Variants in AGMO observed in about 807,000 individuals in gnomAD.
AGMO encodes the protein glyceryl-ether monooxygenase.
In AGMO, 75 loss-of-function variants were observed where a neutral mutation model predicts 60.2. That is an observed-to-expected ratio of 1.25 (90% CI 1.03 to 1.51). The LOEUF (loss-of-function observed/expected upper bound fraction) is 1.51, where lower values mean the gene tolerates loss of function less well. Ranked by LOEUF, AGMO falls within the 40% of genes most tolerant of loss-of-function variation. The pLI is 0.00. For synonymous variants in AGMO, 261 were observed against 177.1 expected (o/e 1.47, Z -3.76); for missense variants, 763 against 525.5 (o/e 1.45, Z -4.42).
chr7:15,122,531 A>G, the AGMO span, among the ~76,000 whole-genome samples: 1 of 152,090 alleles, frequency 6.6e-6, no homozygotes, highest in Non-Finnish European at 1.5e-5. Context: ...TTTCAAATCA[A>G]CATTTCCAAA....
intron 12 of AGMO, among the ~76,000 whole-genome samples, chr7:15,287,404 A>C (rs78746595): frequency 0.014 from 2,101 of 152,254 alleles, 44 homozygotes; most frequent in African/African-American, 0.049. Flanking sequence ...CACGCAGAGA[A>C]ACATTTTCAT....
intron 12 of AGMO, among the ~76,000 whole-genome samples, chr7:15,347,586 C>G (rs889627124): frequency 6.7e-6 from 1 of 148,298 alleles, no homozygotes; most frequent in African/African-American, 2.5e-5. Flanking sequence ...GACTCAAAAA[C>G]ATCCTCAGTC....
rs113031464 is a variant in AGMO at position 15,254,890 on chromosome 7, C to T, written c.1264-53531G>A. Among the ~76,000 whole-genome samples the T allele has an allele frequency of 3.9e-5, 6 of 152,040 alleles. No individual in the cohort carries two copies. The South Asian group carries it at 6.2e-4, about 16-fold the overall frequency. On this transcript the variant is annotated intron_variant, in intron 12 of 12. Coordinates refer to ENST00000342526, the MANE Select transcript of AGMO (RefSeq NM_001004320.2). ...ACATAGAAGAAATGGATAAACTCCT[C>T]GACACCTACCATAATTGAATCAAGA...
chr7:15,223,557 G>A (rs1463812964), intron 12 of AGMO, among the ~76,000 whole-genome samples: 1 of 151,944 alleles, frequency 6.6e-6, no homozygotes, highest in Non-Finnish European at 1.5e-5. Context: ...TCCAATAAGG[G>A]AGAAATATTT....
At chr7:15,322,472 A>G (rs1166028053) in intron 12 of AGMO, among the ~76,000 whole-genome samples, 3 of 109,170 alleles carry the variant, frequency 2.7e-5, no homozygotes, top group Non-Finnish European at 5.2e-5. Context: ...ATATAAATAT[A>G]TAAATATATA....
At chr7:15,419,110 G>T (rs1377780267) in intron 4 of AGMO, among the ~76,000 whole-genome samples, 2 of 151,764 alleles carry the variant, frequency 1.3e-5, no homozygotes, top group Non-Finnish European at 2.9e-5. Context: ...CATACAAGGA[G>T]AGGACAGCAT....
chr7:15,379,916 A>T (rs1783609050), intron 10 of AGMO, among the ~76,000 whole-genome samples: 1 of 152,114 alleles, frequency 6.6e-6, no homozygotes, highest in South Asian at 2.1e-4. Context: ...AAAGCATATG[A>T]TTATCCCAAT....
At chr7:15,400,277 C>G (rs1300190171) in intron 5 of AGMO, among the ~76,000 whole-genome samples, 1 of 152,046 alleles carries the variant, frequency 6.6e-6, no homozygotes, top group African/African-American at 2.4e-5. Flanking sequence ...TATCACCACC[C>G]CCCCAAGCAA....
chr7:15,271,717 G>T (rs1783617034), intron 12 of AGMO, among the ~76,000 whole-genome samples: 1 of 152,154 alleles, frequency 6.6e-6, no homozygotes, highest in African/African-American at 2.4e-5. Context: ...AATAGAAGTT[G>T]TGAAAGTGGA....
At chr7:15,530,260 G>GATATTCTATATACGTATTTCCATAT (rs1562555537) in intron 3 of AGMO, among the ~76,000 whole-genome samples, 1 of 19,964 alleles carries the variant, frequency 5.0e-5, no homozygotes, top group African/African-American at 2.7e-4. Flanking sequence ...TTTCCATATA[G>GATATTCTATATACGTATTTCCATAT]ATATTCTATA....
chr7:15,425,330 G>A (rs1781030747), intron 4 of AGMO, among the ~76,000 whole-genome samples: 2 of 151,786 alleles, frequency 1.3e-5, no homozygotes, highest in Admixed American at 1.3e-4. Context: ...AATATAATAA[G>A]ATCATCATTG....
At chr7:15,223,847 T>G (rs1295555773) in intron 12 of AGMO, among the ~76,000 whole-genome samples, 1 of 151,974 alleles carries the variant, frequency 6.6e-6, no homozygotes, top group East Asian at 1.9e-4. Context: ...TAATTAATCC[T>G]TGACAAAATT....
intron 12 of AGMO, among the ~76,000 whole-genome samples, chr7:15,344,881 A>T (rs1781978479): frequency 6.6e-6 from 1 of 152,122 alleles, no homozygotes; most frequent in African/African-American, 2.4e-5. Context: ...ACCTTACTCT[A>T]TCACATCAGT....
At chr7:15,507,142 A>G (rs1783533087) in intron 3 of AGMO, among the ~76,000 whole-genome samples, 2 of 152,080 alleles carry the variant, frequency 1.3e-5, no homozygotes, top group African/African-American at 2.4e-5. Flanking sequence ...TCTGACTTCC[A>G]AGTACAAACT....
chr7:15,184,407 G>GAAGGAA, the AGMO span, among the ~76,000 whole-genome samples: 1 of 63,726 alleles, frequency 1.6e-5, no homozygotes. Context: ...GAGGAAGAAA[G>GAAGGAA]GGAAGGAAGG....
intron 3 of AGMO, among the ~76,000 whole-genome samples, chr7:15,512,245 C>CT (rs1783694831): frequency 6.6e-6 from 1 of 152,026 alleles, no homozygotes; most frequent in African/African-American, 2.4e-5. Context: ...TCTGATATTT[C>CT]TTTTTTAAAA....
intron 5 of AGMO, 105 bp downstream of exon 5, chr7:15,418,453 A>C: frequency 1.5e-6 from 1 of 683,878 alleles, no homozygotes; most frequent in Non-Finnish European, 2.5e-6. Flanking sequence ...TAGAAAAGGC[A>C]GACAAAGATT....
intron 3 of AGMO, among the ~76,000 whole-genome samples, chr7:15,491,246 A>G (rs11763664): frequency 0.78 from 118,531 of 152,016 alleles, 46,858 homozygotes; most frequent in East Asian, 0.97. Flanking sequence ...TGGGGGGAGT[A>G]ATGAAATATG....
At chr7:15,125,772 A>G in the AGMO span, among the ~76,000 whole-genome samples, 1 of 152,112 alleles carries the variant, frequency 6.6e-6, no homozygotes, top group Non-Finnish European at 1.5e-5. Context: ...AGCAGATCCT[A>G]GAACAAGCAA....
Sources: gnomAD v4.1 joint callset for allele counts (sites outside exome capture counted in the v4.1 genomes callset) on GRCh38, gnomAD v4.1.1 for gene constraint, MANE v1.5 for transcripts, NCBI Gene and HGNC (gene_info 2026-07-23, HGNC 2026-07-21) for gene names.